COL4A6: variants seen among roughly 807,000 people sequenced by gnomAD.
COL4A6 encodes the protein collagen type IV alpha 6 chain, also known as collagen alpha-6(IV) chain.
In COL4A6, 59 loss-of-function variants were observed where a neutral mutation model predicts 126.7. That is an observed-to-expected ratio of 0.47 (90% CI 0.38 to 0.58). COL4A6 has a LOEUF of 0.58. Ranked by LOEUF, COL4A6 falls within the 20% of genes least tolerant of loss-of-function variation. The pLI is 0.00. For missense variants in COL4A6, 1,285 were observed against 1,337.3 expected (o/e 0.96, Z 0.61); for synonymous variants, 547 against 496.6 (o/e 1.10, Z -1.35).
At chrX:108,335,750 G>A (rs2039417890) in intron 2 of COL4A6, among the ~76,000 whole-genome samples, 1 of 110,970 alleles carries the variant, frequency 9.0e-6, no homozygotes, top group African/African-American at 3.3e-5. Flanking sequence ...GGGTGATGAG[G>A]TAAGTAGCAA....
At chrX:108,352,147 C>T (rs762401890) in intron 2 of COL4A6, among the ~76,000 whole-genome samples, 4 of 112,475 alleles carry the variant, frequency 3.6e-5, no homozygotes, top group African/African-American at 9.7e-5. Context: ...TTGTGAAGTG[C>T]GTGTGCACCC....
chrX:108,250,210 C>A (rs770073106), intron 3 of COL4A6, among the ~76,000 whole-genome samples: 1 of 111,043 alleles, frequency 9.0e-6, no homozygotes, highest in African/African-American at 3.3e-5. Context: ...CTATAGAGTA[C>A]TGCCTTTTAC....
chrX:108,284,984 CT>C (rs777138340), intron 3 of COL4A6, among the ~76,000 whole-genome samples: 32 of 111,816 alleles, frequency 2.9e-4, no homozygotes, highest in African/African-American at 1.0e-3. Context: ...CTTTCTACCC[CT>C]ATCCTTCCTT....
chrX:108,160,463 C>G lies in COL4A6; in HGVS notation c.4525G>C (p.Gly1509Arg). 8.4e-7 allele frequency: 1 copy of G among 1,195,392 alleles called. No homozygotes were observed. Among genetic ancestry groups the G allele is most frequent in the Non-Finnish European group, 1.1e-6 (1 of 886,730 alleles). The change falls in exon 43 of 45, where the codon GGC (glycine) becomes CGC (arginine). Residue 1509 changes from glycine to arginine, a missense_variant and splice_region_variant. Gly to Arg is a moderately radical substitution (Grantham distance 125, BLOSUM62 -2). Transcript: ENST00000334504. ...GCTGGCTGTCAGAGCTGGTACCTACCCAGGTCCTGGTTGTGGGCTTTCTCT... is the reference window on the plus strand; with the variant it reads ...GCTGGCTGTCAGAGCTGGTACCTACGCAGGTCCTGGTTGTGGGCTTTCTCT... ...GQEKAHNQDL[G>R]FAGSCLPRFS...
intron 3 of COL4A6, among the ~76,000 whole-genome samples, chrX:108,257,188 A>C (rs1343338455): frequency 8.9e-6 from 1 of 112,039 alleles, no homozygotes; most frequent in Non-Finnish European, 1.9e-5. Flanking sequence ...TTTTGAGGAA[A>C]GAGATGGTTG....
At chrX:108,282,289 C>G (rs1328155563) in intron 3 of COL4A6, among the ~76,000 whole-genome samples, 1 of 99,517 alleles carries the variant, frequency 1.0e-5, no homozygotes, top group Non-Finnish European at 2.0e-5. Context: ...TGAACTCAAA[C>G]AAATTTACAA....
At chrX:108,437,870 T>C in intron 2 of COL4A6, 72 bp downstream of exon 2, 3 of 1,134,464 alleles carry the variant, frequency 2.6e-6, no homozygotes, top group Non-Finnish European at 3.6e-6. Context: ...CCCCCTAACA[T>C]AAATACTAGA....
intron 3 of COL4A6, among the ~76,000 whole-genome samples, chrX:108,255,988 A>T (rs1361091040): frequency 2.7e-5 from 3 of 111,216 alleles, no homozygotes; most frequent in Non-Finnish European, 5.7e-5. Flanking sequence ...ACCTAGTCTC[A>T]GCTCTACCAC....
chrX:108,400,441 G>T (rs926192176), intron 2 of COL4A6, among the ~76,000 whole-genome samples: 3 of 110,828 alleles, frequency 2.7e-5, no homozygotes, highest in Non-Finnish European at 5.7e-5. Flanking sequence ...ACTTATTTTT[G>T]CTCTTAGCTC....
chrX:108,285,087 G>A (rs1339185843), intron 3 of COL4A6, among the ~76,000 whole-genome samples: 7 of 111,617 alleles, frequency 6.3e-5, no homozygotes, highest in African/African-American at 2.3e-4. Context: ...TTCCCAAGCG[G>A]CCCAGGCTGT....
At chrX:108,381,430 A>G (rs2040556484) in intron 2 of COL4A6, among the ~76,000 whole-genome samples, 1 of 112,224 alleles carries the variant, frequency 8.9e-6, no homozygotes, top group Non-Finnish European at 1.9e-5. Context: ...AGTTATGTTG[A>G]TGTCTACATG....
chrX:108,352,589 T>C (rs1386214702), intron 2 of COL4A6, among the ~76,000 whole-genome samples: 2 of 112,393 alleles, frequency 1.8e-5, no homozygotes, highest in Non-Finnish European at 3.8e-5. Flanking sequence ...TACAGAGGTG[T>C]CCCAGGTAGT....
At chrX:108,365,338 A>G (rs1393487354) in intron 2 of COL4A6, among the ~76,000 whole-genome samples, 1 of 112,021 alleles carries the variant, frequency 8.9e-6, no homozygotes, top group African/African-American at 3.2e-5. Flanking sequence ...TTTATAAAAT[A>G]TTGAAGGATA....
intron 2 of COL4A6, among the ~76,000 whole-genome samples, chrX:108,366,689 CA>C (rs1569444817): frequency 8.9e-6 from 1 of 111,815 alleles, no homozygotes; most frequent in African/African-American, 3.2e-5. Context: ...ATGATAGCAT[CA>C]AACTCTGCTC....
chrX:108,215,816 G>A (rs892148266), intron 5 of COL4A6, among the ~76,000 whole-genome samples: 4 of 110,749 alleles, frequency 3.6e-5, no homozygotes, highest in Admixed American at 9.6e-5. Flanking sequence ...TGAGTTAGTC[G>A]TTCCACCATC....
At chrX:108,183,357 CAT>C (rs1422823120) in intron 23 of COL4A6, among the ~76,000 whole-genome samples, 2 of 112,137 alleles carry the variant, frequency 1.8e-5, no homozygotes, top group Non-Finnish European at 3.8e-5. Context: ...AAAGTTCAGA[CAT>C]GTGTGGATCC....
At chrX:108,191,842 A>T (rs1280797727) in intron 18 of COL4A6, among the ~76,000 whole-genome samples, 1 of 111,490 alleles carries the variant, frequency 9.0e-6, no homozygotes, top group Non-Finnish European at 1.9e-5. Context: ...GGCCAGCTGT[A>T]CCATTTCCAG....
At chrX:108,235,848 G>C (rs1033725794) in intron 3 of COL4A6, among the ~76,000 whole-genome samples, 1 of 110,615 alleles carries the variant, frequency 9.0e-6, no homozygotes, top group Non-Finnish European at 1.9e-5. Context: ...AAATCGAGGA[G>C]GGGGGAAGTG....
At chrX:108,385,633 G>T (rs1325781446) in intron 2 of COL4A6, among the ~76,000 whole-genome samples, 3 of 112,124 alleles carry the variant, frequency 2.7e-5, no homozygotes, top group African/African-American at 9.7e-5. Context: ...TGGTACCACT[G>T]TAAGGACAGA....
Sources: allele counts gnomAD v4.1 joint callset (sites outside exome capture counted in the v4.1 genomes callset), GRCh38; gene constraint gnomAD v4.1.1; transcripts MANE v1.5; gene names NCBI Gene and HGNC (gene_info 2026-07-23, HGNC 2026-07-21).